Variants in PLIN2 observed in about 807,000 individuals in gnomAD.
PLIN2 encodes perilipin 2, also known as perilipin-2.
Under a neutral mutation model 30.6 loss-of-function variants are expected in PLIN2, and 33 were observed. The ratio of observed to expected loss-of-function variants is 1.08; its 90% CI spans 0.82 to 1.44. The LOEUF is 1.44. PLIN2 is among the 40% of genes most tolerant of loss of function. The pLI is 0.00. For missense variants in PLIN2, 610 were observed against 531.8 expected, an observed-to-expected ratio of 1.15 and a Z score of -1.45; for synonymous variants, 205 against 201.1, an observed-to-expected ratio of 1.02 and a Z score of -0.16.
chr9:19,108,968 G>C (rs1248274155), intron 2 of PLIN2, among the ~76,000 whole-genome samples: 2 of 152,172 alleles, frequency 1.3e-5, no homozygotes, highest in Non-Finnish European at 2.9e-5. Context: ...GTGGAACCTA[G>C]TCAATGAAGC....
intron 4 of PLIN2, chr9:19,123,303 T>G (rs1370854652): frequency 2.7e-5 from 41 of 1,491,522 alleles, no homozygotes; most frequent in Non-Finnish European, 3.5e-5. Flanking sequence ...GCAATTTCAT[T>G]TATAGGAGCA....
At chr9:19,124,482 T>C (rs72558395) in intron 3 of PLIN2, among the ~76,000 whole-genome samples, 29 of 152,268 alleles carry the variant, frequency 1.9e-4, no homozygotes, top group African/African-American at 5.8e-4. Context: ...ACCAAATTCA[T>C]TTAGGAAGTA....
At chr9:19,122,100 C>T (rs1339619341) in intron 4 of PLIN2, among the ~76,000 whole-genome samples, 1 of 89,640 alleles carries the variant, frequency 1.1e-5, no homozygotes, top group Non-Finnish European at 1.9e-5. Flanking sequence ...CAGAGCAAGA[C>T]TCTGTCTCAA....
At chr9:19,110,388 G>A (rs1385564968) in intron 2 of PLIN2, among the ~76,000 whole-genome samples, 1 of 152,190 alleles carries the variant, frequency 6.6e-6, no homozygotes, top group African/African-American at 2.4e-5. Context: ...GGTGATGGTT[G>A]TATAACATTG....
chr9:19,122,204 C>CAAGCAAT (rs2131182601), intron 4 of PLIN2, among the ~76,000 whole-genome samples: 1 of 150,892 alleles, frequency 6.6e-6, no homozygotes, highest in South Asian at 2.1e-4. Context: ...AGCACAGTCT[C>CAAGCAAT]AAGCAATGTA....
At chr9:19,112,891 T>C (rs566835379), downstream of PLIN2, among the ~76,000 whole-genome samples, 2 of 152,218 alleles carry the variant, frequency 1.3e-5, no homozygotes, top group South Asian at 2.1e-4. Flanking sequence ...TTCTACATTT[T>C]ATTCTGCCCC....
rs1564030859 is a variant in PLIN2 at position 19,121,152 on chromosome 9, G to C, written c.323C>G (p.Ala108Gly). Residue 108 changes from alanine (A) to glycine (G), a missense_variant, in exon 5 of 8, where the codon GCC (alanine) becomes GGC (glycine). Coordinates refer to ENST00000276914, the MANE Select transcript of PLIN2 (RefSeq NM_001122.4). Reference sequence around the variant, plus strand: ...TTTTGCCCCAGTCACAGCGCCTTTGGCATTGGCAACAATCTGTAAGTAGAA... The same window carrying C: ...TTTTGCCCCAGTCACAGCGCCTTTGCCATTGGCAACAATCTGTAAGTAGAA... Reference protein sequence around the residue: ...NQPSTQIVANAKGAVTGAKDA... With the variant: ...NQPSTQIVANGKGAVTGAKDA... 3.1e-6 allele frequency: 5 copies of C among 1,613,854 alleles called. No homozygotes were observed. Among genetic ancestry groups the C allele is most frequent in the Non-Finnish European group, 4.2e-6 (5 of 1,179,874 alleles).
At position 19,123,691 on chromosome 9, in the gene PLIN2, T is replaced by C. The variant is rs371389809; in HGVS notation, c.227-44A>G. The C allele has an allele frequency of 1.2e-5, 18 of 1,512,298 alleles. No homozygotes were observed. In the African/African-American group the frequency reaches 2.1e-4, roughly 17 times the overall value. The allele number at this position is 1,512,298 out of a possible 1,614,324, so 93.7% of individuals were successfully genotyped here. Reference sequence around the variant, plus strand: ...AAATGTTAATGTAGTACTATAGGTATAGAATGAACACACATTACCATAGGC... The same window carrying C: ...AAATGTTAATGTAGTACTATAGGTACAGAATGAACACACATTACCATAGGC... On this transcript the variant is annotated intron_variant, in intron 3 of 7. Transcript: ENST00000276914.
intron 3 of PLIN2, 119 bp downstream of exon 3, chr9:19,125,995 T>C: frequency 4.2e-6 from 3 of 707,290 alleles, no homozygotes; most frequent in East Asian, 2.5e-5. Context: ...TGAAAGTTTC[T>C]AGGTAAAGGC....
Position 19,121,091 on chromosome 9 carries a change from A to T in PLIN2, c.384T>A (p.Asp128Glu). The T allele has an allele frequency of 1.9e-6, 3 of 1,614,110 alleles. No individual in the cohort carries two copies. The highest frequency in any genetic ancestry group is 2.5e-6 in the Non-Finnish European group (3 of 1,179,956). The change falls in exon 5 of 8, where the codon GAT becomes GAA. Residue 128 changes from aspartate to glutamate, a missense_variant. Coordinates refer to ENST00000276914, the MANE Select transcript of PLIN2 (RefSeq NM_001122.4). The part of the protein sequence containing the change: ...AVTTTVTGAK[D>E]SVASTITGVM... Reference sequence around the variant, plus strand: ...CCCCTGTGATCGTGCTGGCCACAGAATCCTTGGCCCCAGTCACAGTAGTCG... The same window carrying T: ...CCCCTGTGATCGTGCTGGCCACAGATTCCTTGGCCCCAGTCACAGTAGTCG...
chr9:19,121,489 CAAAA>C (rs375474450), intron 4 of PLIN2, among the ~76,000 whole-genome samples: 22 of 45,252 alleles, frequency 4.9e-4, no homozygotes, highest in Middle Eastern at 9.6e-3. Context: ...GACCCTGTCT[CAAAA>C]AAAAAAAAAA....
At chr9:19,123,476 C>T (rs761370740) in intron 4 of PLIN2, 89 bp downstream of exon 4, 38 of 1,598,470 alleles carry the variant, frequency 2.4e-5, no homozygotes, top group Non-Finnish European at 3.2e-5. Context: ...CAAGTATTTG[C>T]CTGTTTGTGA....
chr9:19,123,547 CT>C lies in PLIN2; in HGVS notation c.309+17del. 2 of 1,614,182 alleles carry C rather than the reference CT, an allele frequency of 1.2e-6. No homozygotes were observed. The highest frequency in any genetic ancestry group is 1.1e-5 in the South Asian group (1 of 91,076). On this transcript the variant is annotated intron_variant, in intron 4 of 7. Transcript: ENST00000276914. ...ACATGTGAAGTGTCAAGTCTCAGCA[CT>C]TTTGTCCCAAGCTCACCTGAGTTGA...
intron 3 of PLIN2, chr9:19,125,358 G>T (rs4977497): frequency 0.13 from 19,891 of 152,034 alleles, 1,482 homozygotes; most frequent in Admixed American, 0.16. Context: ...TTCCTGACCA[G>T]CCTGGCCAAC....
intron 2 of PLIN2, among the ~76,000 whole-genome samples, chr9:19,109,456 A>C (rs1421848711): frequency 6.7e-6 from 1 of 150,226 alleles, no homozygotes; most frequent in Non-Finnish European, 1.5e-5. Context: ...CAGGAGGCTG[A>C]GGCAGGAGAA....
At chr9:19,112,046 G>A (rs1818166582), downstream of PLIN2, among the ~76,000 whole-genome samples, 2 of 152,094 alleles carry the variant, frequency 1.3e-5, no homozygotes, top group Admixed American at 1.3e-4. Context: ...CATGCCTCTA[G>A]CGCAAATTTA....
In PLIN2 at chr9:19,121,171, A is replaced by C. The variant is rs1479796060; in HGVS notation, c.310-6T>G. The C allele has an allele frequency of 6.2e-7, 1 of 1,613,332 alleles. No individual in the cohort carries two copies. Among genetic ancestry groups the C allele is most frequent in the South Asian group, 1.1e-5 (1 of 91,072 alleles). ...CCTTTGGCATTGGCAACAATCTGTA[A>C]GTAGAAAAGCAGATCCCCTGGCTGG... On this transcript the variant is annotated splice_polypyrimidine_tract_variant and splice_region_variant and intron_variant, in intron 4 of 7. Coordinates refer to ENST00000276914, the MANE Select transcript of PLIN2 (RefSeq NM_001122.4).
chr9:19,119,884 A>C, intron 5 of PLIN2, 53 bp from the exon 6 acceptor site: 1 of 1,217,960 alleles, frequency 8.2e-7, no homozygotes, highest in East Asian at 2.4e-5. Context: ...GTGACAAGTG[A>C]TAAGGCCTGG....
chr9:19,113,906 C>G (rs913642249), downstream of PLIN2, among the ~76,000 whole-genome samples: 2 of 151,822 alleles, frequency 1.3e-5, no homozygotes, highest in African/African-American at 4.8e-5. Context: ...TCCCGAGGAG[C>G]TGGGATTACA....
Sources: gnomAD v4.1 joint callset for allele counts (sites outside exome capture counted in the v4.1 genomes callset) on GRCh38, gnomAD v4.1.1 for gene constraint, MANE v1.5 for transcripts, NCBI Gene and HGNC (gene_info 2026-07-23, HGNC 2026-07-21) for gene names.